The following ELMO1 variants were observed in gnomAD, a reference collection of about 807,000 sequenced individuals.
The protein encoded by ELMO1 is engulfment and cell motility 1.
ELMO1 carries 26 observed loss-of-function variants against 98.9 expected under a neutral mutation model. The ratio of observed to expected loss-of-function variants is 0.26; its 90% CI spans 0.19 to 0.36. ELMO1 has a LOEUF of 0.36. Ranked by LOEUF, ELMO1 falls within the 10% of genes least tolerant of loss-of-function variation. ELMO1 has a pLI of 1.00. For missense variants in ELMO1, 627 were observed against 935.2 expected, an observed-to-expected ratio of 0.67 and a Z score of 4.30; for synonymous variants, 346 against 346.0, an observed-to-expected ratio of 1.00 and a Z score of 0.00.
At chr7:37,259,074 A>G (rs753045653) in intron 6 of ELMO1, 107 bp downstream of exon 6, 52 of 1,306,886 alleles carry the variant, frequency 4.0e-5, no homozygotes, top group Non-Finnish European at 4.8e-5. Flanking sequence ...GAGTCTAACC[A>G]AGGCTCTGGT....
rs76192265 is a variant in ELMO1 at position 36,912,240 on chromosome 7, T to C, written c.1438-17223A>G. On this transcript the variant is annotated intron_variant, in intron 16 of 21. Transcript: ENST00000310758. ...ATACTGCATAGATGTACTGGAGCTG[T>C]AATAATTCCCACCCAAGAAAGGATA... Among the ~76,000 whole-genome samples, 832 of 152,274 alleles carry C rather than the reference T, an allele frequency of 5.5e-3. 8 individuals are homozygous for C. The highest frequency in any genetic ancestry group is 0.019 in the African/African-American group (788 of 41,554).
At chr7:37,252,975 A>C (rs1427045342) in intron 6 of ELMO1, among the ~76,000 whole-genome samples, 1 of 152,242 alleles carries the variant, frequency 6.6e-6, no homozygotes, top group Non-Finnish European at 1.5e-5. Flanking sequence ...CACATGAAAA[A>C]AAGCTCATCA....
At chr7:37,401,655 G>A (rs1026850836) in intron 1 of ELMO1, among the ~76,000 whole-genome samples, 1 of 152,156 alleles carries the variant, frequency 6.6e-6, no homozygotes, top group African/African-American at 2.4e-5. Context: ...AAAAGCAGGG[G>A]AGAATCCCTT....
At chr7:36,973,736 G>C (rs943519546) in intron 16 of ELMO1, among the ~76,000 whole-genome samples, 1 of 152,230 alleles carries the variant, frequency 6.6e-6, no homozygotes, top group Non-Finnish European at 1.5e-5. Flanking sequence ...CTTGCAGGGA[G>C]GTGTGGAGGG....
chr7:37,286,818 C>A (rs77022059), intron 4 of ELMO1, among the ~76,000 whole-genome samples: 1,554 of 152,226 alleles, frequency 0.01, 35 homozygotes, highest in African/African-American at 0.036. Flanking sequence ...GTCTATGGAT[C>A]TTCTTTTCAG....
At chr7:36,962,450 C>T (rs1789032750) in intron 16 of ELMO1, among the ~76,000 whole-genome samples, 1 of 152,082 alleles carries the variant, frequency 6.6e-6, no homozygotes, top group Non-Finnish European at 1.5e-5. Context: ...GCGGAGAGCA[C>T]TGAAGAAGTT....
chr7:36,935,359 A>G (rs937568840), intron 16 of ELMO1, among the ~76,000 whole-genome samples: 4 of 152,114 alleles, frequency 2.6e-5, no homozygotes, highest in Non-Finnish European at 5.9e-5. Context: ...AGTCTTGCAT[A>G]TATCTTTATC....
chr7:37,396,742 T>C (rs1404587816), intron 1 of ELMO1, among the ~76,000 whole-genome samples: 2 of 152,262 alleles, frequency 1.3e-5, no homozygotes, highest in Non-Finnish European at 2.9e-5. Flanking sequence ...TAATTCACTA[T>C]GACATTGAAG....
intron 16 of ELMO1, among the ~76,000 whole-genome samples, chr7:36,913,997 A>G (rs1223171133): frequency 6.6e-6 from 1 of 152,240 alleles, no homozygotes; most frequent in Non-Finnish European, 1.5e-5. Flanking sequence ...TTTTGTGAAC[A>G]TGCACATGCA....
intron 4 of ELMO1, among the ~76,000 whole-genome samples, chr7:37,286,463 G>C (rs993519530): frequency 1.3e-5 from 2 of 152,178 alleles, no homozygotes; most frequent in African/African-American, 4.8e-5. Flanking sequence ...CAACGTCTTG[G>C]GGCCTCCCTT....
At chr7:37,224,333 C>A (rs1429270760) in intron 9 of ELMO1, among the ~76,000 whole-genome samples, 1 of 152,166 alleles carries the variant, frequency 6.6e-6, no homozygotes, top group Admixed American at 6.5e-5. Context: ...GGGCAGCTAT[C>A]TTATGTCCAT....
chr7:36,989,590 G>T (rs947970540), intron 16 of ELMO1, among the ~76,000 whole-genome samples: 5 of 152,304 alleles, frequency 3.3e-5, no homozygotes, highest in African/African-American at 1.2e-4. Context: ...GGGACAGAGG[G>T]TCTCACTATT....
intron 16 of ELMO1, among the ~76,000 whole-genome samples, chr7:36,959,226 G>T (rs1191237881): frequency 1.3e-5 from 2 of 151,778 alleles, no homozygotes; most frequent in Non-Finnish European, 2.9e-5. Flanking sequence ...CGCCACATCT[G>T]CCCTTGCCAG....
At position 37,121,569 on chromosome 7, in the gene ELMO1, T is replaced by C. The variant is rs527894293; in HGVS notation, c.1191+11561A>G. 8.9e-4 allele frequency among the ~76,000 whole-genome samples: 135 copies of C among 152,020 alleles called. 1 individual carries two copies. The highest frequency in any genetic ancestry group is 3.1e-3 in the African/African-American group (130 of 41,442). On this transcript the variant is annotated intron_variant, in intron 14 of 21. Transcript: ENST00000310758. ...ATGAAATGAAGTGAGAAGAGAAGTTTAGAGAAAAAAAGAATAAAAAGAAAT... is the reference window on the plus strand; with the variant it reads ...ATGAAATGAAGTGAGAAGAGAAGTTCAGAGAAAAAAAGAATAAAAAGAAAT...
At chr7:37,010,176 T>C (rs761818689) in intron 16 of ELMO1, among the ~76,000 whole-genome samples, 2 of 152,226 alleles carry the variant, frequency 1.3e-5, no homozygotes, top group Non-Finnish European at 2.9e-5. Context: ...ACAGGTATCA[T>C]GTCTACCAGC....
chr7:37,327,482 C>T (rs908725157), intron 2 of ELMO1, among the ~76,000 whole-genome samples: 1 of 152,120 alleles, frequency 6.6e-6, no homozygotes, highest in Non-Finnish European at 1.5e-5. Context: ...AATTTCCACA[C>T]AGGACTATGA....
At chr7:36,966,583 G>A (rs937081050) in intron 16 of ELMO1, among the ~76,000 whole-genome samples, 1 of 152,146 alleles carries the variant, frequency 6.6e-6, no homozygotes, top group Non-Finnish European at 1.5e-5. Context: ...ACAACTTTAC[G>A]TGTAAGTGAT....
intron 2 of ELMO1, among the ~76,000 whole-genome samples, chr7:37,337,362 ACC>A (rs1342248819): frequency 6.7e-6 from 1 of 149,382 alleles, no homozygotes; most frequent in African/African-American, 2.5e-5. Flanking sequence ...AACATCACAC[ACC>A]GGGGCCTCTT....
At chr7:37,420,323 G>A in intron 1 of ELMO1, among the ~76,000 whole-genome samples, 1 of 152,214 alleles carries the variant, frequency 6.6e-6, no homozygotes, top group East Asian at 1.9e-4. Context: ...TGGACATTAG[G>A]AGCAGAGATA....
Sources: allele counts gnomAD v4.1 joint callset (sites outside exome capture counted in the v4.1 genomes callset), GRCh38; gene constraint gnomAD v4.1.1; transcripts MANE v1.5; gene names NCBI Gene and HGNC (gene_info 2026-07-23, HGNC 2026-07-21).